TARDBP: variants seen among roughly 807,000 people sequenced by gnomAD.
TARDBP encodes TAR DNA-binding protein 43.
A neutral mutation model predicts 38.3 loss-of-function variants in TARDBP; 4 were observed. That is an observed-to-expected ratio of 0.10 (90% CI 0.05 to 0.24). TARDBP has a LOEUF of 0.24. Ranked by LOEUF, TARDBP falls within the 10% of genes least tolerant of loss-of-function variation. TARDBP has a pLI of 1.00. For synonymous variants in TARDBP, 184 were observed against 183.8 expected (o/e 1.00, Z -0.01); for missense variants, 202 against 521.9 (o/e 0.39, Z 5.97).
chr1:11,019,522 A>G (rs9430175), intron 4 of TARDBP, among the ~76,000 whole-genome samples: 3 of 151,992 alleles, frequency 2.0e-5, no homozygotes, highest in African/African-American at 7.3e-5. Context: ...TCTAGCCTAG[A>G]TGTGGGGTAG....
At chr1:11,027,684 A>G (rs759049876), downstream of TARDBP, 3 of 1,538,464 alleles carry the variant, frequency 1.9e-6, no homozygotes, top group Admixed American at 4.3e-5. Context: ...GAGCCTTTGT[A>G]AAAATGTCAA....
downstream of TARDBP, chr1:11,030,424 C>T (rs993025831): frequency 5.0e-6 from 3 of 596,428 alleles, no homozygotes; most frequent in Non-Finnish European, 8.8e-6. Context: ...ACCATGTTTG[C>T]TTGCAAAGTG....
At chr1:11,020,773 G>T (rs1643621238) in intron 5 of TARDBP, among the ~76,000 whole-genome samples, 174 bp downstream of exon 5, 1 of 151,860 alleles carries the variant, frequency 6.6e-6, no homozygotes, top group Admixed American at 6.6e-5. Context: ...AAATAGCTCG[G>T]TGTGGTGGTG....
intron 5 of TARDBP, among the ~76,000 whole-genome samples, chr1:11,021,521 ACC>A (rs964296484): frequency 1.3e-5 from 2 of 148,810 alleles, no homozygotes; most frequent in African/African-American, 5.0e-5. Flanking sequence ...CAGGTGATCC[ACC>A]CCCCTCAGCC....
downstream of TARDBP, among the ~76,000 whole-genome samples, chr1:11,027,950 G>A (rs911284261): frequency 6.6e-6 from 1 of 152,190 alleles, no homozygotes; most frequent in Non-Finnish European, 1.5e-5. Context: ...TTGGCCGGGT[G>A]CAGTGTCACA....
chr1:11,018,977 C>T (rs1342689861), intron 4 of TARDBP, 104 bp downstream of exon 4: 5 of 1,523,908 alleles, frequency 3.3e-6, no homozygotes, highest in Admixed American at 3.3e-5. Flanking sequence ...AGGGTGTGTT[C>T]ATGAAATCCT....
chr1:11,018,950 T>G, intron 4 of TARDBP, 77 bp downstream of exon 4: 1 of 1,599,280 alleles, frequency 6.3e-7, no homozygotes. Context: ...TTAAACACAC[T>G]TAGAAAAGAT....
chr1:11,027,419 A>G (rs1643756265), downstream of TARDBP: 2 of 1,614,274 alleles, frequency 1.2e-6, no homozygotes, highest in Non-Finnish European at 1.7e-6. Flanking sequence ...AGGCTTGTGT[A>G]TAATGAGGTG....
chr1:11,018,881 C>A lies in TARDBP; in HGVS notation c.543+8C>A. 6.2e-7 allele frequency: 1 copy of A among 1,613,956 alleles called. No individual in the cohort carries two copies. The highest frequency in any genetic ancestry group is 2.2e-5 in the East Asian group (1 of 44,876). On this transcript the variant is annotated splice_region_variant and intron_variant, in intron 4 of 5. Transcript: ENST00000240185. Reference sequence around the variant, plus strand: ...AAACTTCCTAATTCTAAGGTACTTGCGTCTGTGCTTTGGGAATTTTTGCCA... The same window carrying A: ...AAACTTCCTAATTCTAAGGTACTTGAGTCTGTGCTTTGGGAATTTTTGCCA...
At position 11,023,273 on chromosome 1, in the gene TARDBP, T is replaced by C. The variant is rs752614150; in HGVS notation, c.*619T>C. ...AATATTCTGCCATAGGAATACTGTC[T>C]ACATGCTTTCTCATTCAAGAATTCG... On this transcript the variant is annotated 3_prime_UTR_variant, in exon 6 of 6. Coordinates refer to ENST00000240185, the MANE Select transcript of TARDBP (RefSeq NM_007375.4). 4 of 1,548,748 alleles carry C rather than the reference T, an allele frequency of 2.6e-6. No homozygotes were observed. Among genetic ancestry groups the C allele is most frequent in the Non-Finnish European group, 2.6e-6 (3 of 1,145,566 alleles).
chr1:11,029,049 G>A (rs1429634657), downstream of TARDBP, among the ~76,000 whole-genome samples: 1 of 148,718 alleles, frequency 6.7e-6, no homozygotes, highest in Admixed American at 6.7e-5. Context: ...CTGGAGTGCA[G>A]TGGCGCAATC....
downstream of TARDBP, chr1:11,027,042 C>G: frequency 2.5e-6 from 4 of 1,595,124 alleles, no homozygotes; most frequent in Non-Finnish European, 2.6e-6. Flanking sequence ...CACCAGTGCC[C>G]CTCCGCTGTC....
At chr1:11,028,882 T>G (rs899852114), downstream of TARDBP, among the ~76,000 whole-genome samples, 1 of 150,164 alleles carries the variant, frequency 6.7e-6, no homozygotes, top group African/African-American at 2.5e-5. Flanking sequence ...CCTGGCTAAT[T>G]TTTTGTATTT....
intron 5 of TARDBP, among the ~76,000 whole-genome samples, chr1:11,020,886 C>T (rs1347683320): frequency 1.3e-5 from 2 of 151,998 alleles, no homozygotes; most frequent in Non-Finnish European, 2.9e-5. Context: ...TGCATTCCAG[C>T]CCAGTGACAG....
At position 11,018,727 on chromosome 1, in the gene TARDBP, T is replaced by C. The variant is rs1557657740; in HGVS notation, c.403-6T>C. ...TTTTAGAGTAAACTTGTATCATCCT[T>C]TCTAGGTCAAGAAAGATCTTAAGAC... On this transcript the variant is annotated splice_region_variant and splice_polypyrimidine_tract_variant and intron_variant, in intron 3 of 5. Coordinates refer to ENST00000240185, the MANE Select transcript of TARDBP (RefSeq NM_007375.4). 1 of 1,614,162 alleles carries C rather than the reference T, an allele frequency of 6.2e-7. No individual in the cohort carries two copies. The highest frequency in any genetic ancestry group is 2.2e-5 in the East Asian group (1 of 44,876).
chr1:11,028,698 T>TTTTTTTTC (rs1162980398), downstream of TARDBP, among the ~76,000 whole-genome samples: 1 of 28,536 alleles, frequency 3.5e-5, no homozygotes, highest in Non-Finnish European at 5.5e-5. Flanking sequence ...TCTTTCTGGG[T>TTTTTTTTC]TTTTTTTCTT....
At chr1:11,017,108 A>G (rs1361877076) in intron 3 of TARDBP, 101 bp downstream of exon 3, 3 of 1,367,734 alleles carry the variant, frequency 2.2e-6, no homozygotes, top group African/African-American at 2.9e-5. Flanking sequence ...TATGTTCCCT[A>G]GGTTCTGGCG....
rs1437522827 is a variant in TARDBP, at chr1:11,022,036, T to C, written c.715-88T>C. 1 of 1,488,044 alleles carries C rather than the reference T, an allele frequency of 6.7e-7. No individual in the cohort carries two copies. Among genetic ancestry groups the C allele is most frequent in the Admixed American group, 1.7e-5 (1 of 57,468 alleles). 92.2% of individuals were successfully genotyped at this position (1,488,044 alleles called of 1,614,324 possible). A position where few individuals can be genotyped will look rare whatever the true frequency, so the allele number is the denominator to read the frequency against. On this transcript the variant is annotated intron_variant, in intron 5 of 5. Coordinates refer to ENST00000240185, the MANE Select transcript of TARDBP (RefSeq NM_007375.4). The surrounding 1 kb of genome is among the most constrained non-coding windows in gnomAD (Gnocchi z 4.5). Reference sequence around the variant, plus strand: ...ATTTTTCCTCTGGCTTTAGATAAATTAATGCTTGTAATCTAAGTTTTGTTG... The same window carrying C: ...ATTTTTCCTCTGGCTTTAGATAAATCAATGCTTGTAATCTAAGTTTTGTTG...
rs1218479013 is a variant in TARDBP at position 11,023,214 on chromosome 1, A to G, written c.*560A>G. 3.5e-5 allele frequency: 55 copies of G among 1,550,370 alleles called. No homozygotes were observed. The highest frequency in any genetic ancestry group is 4.7e-5 in the Non-Finnish European group (54 of 1,146,856). On this transcript the variant is annotated 3_prime_UTR_variant, in exon 6 of 6. Transcript: ENST00000240185. ...GCAGTTCATCTCATTTCAAATGTTT[A>G]TGGAAGAAGCACTTCATTGAAAGTA...
Sources: allele counts gnomAD v4.1 joint callset (sites outside exome capture counted in the v4.1 genomes callset), GRCh38; gene constraint gnomAD v4.1.1; non-coding constraint Gnocchi (gnomAD v3.1); transcripts MANE v1.5; gene names NCBI Gene and HGNC (gene_info 2026-07-23, HGNC 2026-07-21).